The following OPN4 variants were observed in gnomAD, a reference collection of about 807,000 sequenced individuals.
OPN4 encodes the protein melanopsin.
In OPN4, 43 loss-of-function variants were observed where a neutral mutation model predicts 49.5. The ratio of observed to expected loss-of-function variants is 0.87; its 90% confidence interval spans 0.68 to 1.12. OPN4 has a LOEUF of 1.12. Among genes scored for constraint, OPN4 ranks in the 50% most tolerant of loss-of-function variants. The pLI, the probability that OPN4 is intolerant of heterozygous loss-of-function variation, is 0.00. For synonymous variants in OPN4, 263 were observed against 258.0 expected, an observed-to-expected ratio of 1.02 and a Z score of -0.19; for missense variants, 657 against 643.9, an observed-to-expected ratio of 1.02 and a Z score of -0.22.
At chr10:86,663,009 A>G (rs1844051735) in intron 8 of OPN4, among the ~76,000 whole-genome samples, 4 of 152,338 alleles carry the variant, frequency 2.6e-5, no homozygotes, top group African/African-American at 7.2e-5. Context: ...TCTCAGATCA[A>G]CGCTGTCCAG....
chr10:86,665,688 A>G, intron 9 of OPN4, 25 bp from the exon 10 acceptor site: 4 of 1,611,148 alleles, frequency 2.5e-6, no homozygotes, highest in Non-Finnish European at 3.4e-6. Context: ...CCTCAGCTAA[A>G]CAGATGTGTG....
At position 86,662,198 on chromosome 10, in the gene OPN4, C is replaced by T. The variant is rs1249184196; in HGVS notation, c.1074-54C>T. The T allele has an allele frequency of 2.6e-6, 4 of 1,511,950 alleles. No homozygotes were observed. In the African/African-American group the frequency reaches 4.1e-5, roughly 15 times the overall value. The allele number at this position is 1,511,950 out of a possible 1,614,324, so 93.7% of individuals were successfully genotyped here. The stretch of plus-strand genomic sequence containing the variant: ...TACCAGCCTGTGCACCCATCCCCTC[C>T]CCTGCATCTGTCTGCCCATCCCCTG... On this transcript the variant is annotated intron_variant, in intron 7 of 9. Transcript: ENST00000241891.
Position 86,659,970 on chromosome 10 carries a change from C to G in OPN4, c.876C>G (p.Cys292Trp), listed in dbSNP as rs1387593881. The change falls in exon 6 of 10, where the codon TGC (cysteine) becomes TGG (tryptophan). Residue 292 changes from cysteine to tryptophan, a missense_variant. Transcript: ENST00000241891. Reference sequence around the variant, plus strand: ...AGCGGCAGCGGCTGCAGAGCGAGTGCAAGATGGCCAAGATCATGCTGCTGG... The same window carrying G: ...AGCGGCAGCGGCTGCAGAGCGAGTGGAAGATGGCCAAGATCATGCTGCTGG... ...LWQRQRLQSE[C>W]KMAKIMLLVI... 6.2e-7 allele frequency: 1 copy of G among 1,614,230 alleles called. No individual in the cohort carries two copies. Among genetic ancestry groups the G allele is most frequent in the Admixed American group, 1.7e-5 (1 of 60,026 alleles).
In OPN4 at chr10:86,654,687, A is replaced by G; in HGVS notation, c.-97A>G. On this transcript the variant is annotated 5_prime_UTR_variant, in exon 1 of 10. It removes an upstream start codon present in the reference 5' UTR. Coordinates refer to ENST00000241891, the MANE Select transcript of OPN4 (RefSeq NM_033282.4). ...GGTAGGCTAAGCAGGGGTGCTGAGG[A>G]TGGAGGAAAGTTGGGAGGCTGAGCA... The G allele has an allele frequency of 2.6e-6, 4 of 1,509,862 alleles. No individual in the cohort carries two copies. Among genetic ancestry groups the G allele is most frequent in the Non-Finnish European group, 3.6e-6 (4 of 1,114,274 alleles). The allele number at this position is 1,509,862 out of a possible 1,614,324, so 93.5% of individuals were successfully genotyped here. A position where few individuals can be genotyped will look rare whatever the true frequency, so the allele number is the denominator to read the frequency against.
chr10:86,659,207 G>C, intron 4 of OPN4, 90 bp from the exon 5 acceptor site: 1 of 1,023,834 alleles, frequency 9.8e-7, no homozygotes, highest in East Asian at 2.4e-5. Context: ...GCTGTGTATG[G>C]GGACCCGAAT....
At position 86,665,893 on chromosome 10, in the gene OPN4, C is replaced by T. The variant is rs1844161827; in HGVS notation, c.*142C>T. 2.9e-6 allele frequency: 2 copies of T among 678,006 alleles called. No individual in the cohort carries two copies. Among genetic ancestry groups the T allele is most frequent in the South Asian group, 3.5e-5 (2 of 56,574 alleles). 42.0% of individuals were successfully genotyped at this position (678,006 alleles called of 1,614,324 possible). ...CCCGTGCTGCACGGGATTCACAGCC[C>T]CAGCCCCATGGCCCCTCTCCACACC... On this transcript the variant is annotated 3_prime_UTR_variant, in exon 10 of 10. Coordinates refer to ENST00000241891, the MANE Select transcript of OPN4 (RefSeq NM_033282.4).
chr10:86,665,041 A>T (rs113532554), intron 9 of OPN4, among the ~76,000 whole-genome samples: 24 of 152,150 alleles, frequency 1.6e-4, no homozygotes, highest in African/African-American at 5.8e-4. Flanking sequence ...AGGGGTGGGG[A>T]GTGGGGGGAG....
At chr10:86,661,935 C>T (rs112950956) in intron 7 of OPN4, among the ~76,000 whole-genome samples, 22 of 152,272 alleles carry the variant, frequency 1.4e-4, no homozygotes, top group African/African-American at 5.3e-4. Flanking sequence ...CCAGAGTGTC[C>T]CTGGTCTCCA....
intron 1 of OPN4, 55 bp downstream of exon 1, chr10:86,654,982 C>G (rs1234009175): frequency 6.5e-7 from 1 of 1,548,618 alleles, no homozygotes; most frequent in East Asian, 2.3e-5. Context: ...CCTTCCTGGT[C>G]CCCTCCTGGC....
At chr10:86,662,738 C>T (rs1372427698) in intron 8 of OPN4, among the ~76,000 whole-genome samples, 4 of 152,240 alleles carry the variant, frequency 2.6e-5, no homozygotes, top group Non-Finnish European at 5.9e-5. Flanking sequence ...TCCCTAGAGC[C>T]GCAGCCTGAA....
rs1179780424 is a variant in OPN4, at chr10:86,658,648, T to C, written c.589T>C (p.Tyr197His). 1 of 1,613,824 alleles carries C rather than the reference T, an allele frequency of 6.2e-7. No homozygotes were observed. The part of the protein sequence containing the change: ...AAFVLLGVWL[Y>H]ALAWSLPPFF... ...ATTTGTCCTGCTGGGCGTTTGGCTCTATGCCCTGGCCTGGAGTCTGCCACC... is the reference window on the plus strand; with the variant it reads ...ATTTGTCCTGCTGGGCGTTTGGCTCCATGCCCTGGCCTGGAGTCTGCCACC... The change falls in exon 4 of 10, where the codon TAT becomes CAT. Residue 197 changes from tyrosine (Y) to histidine (H), a missense_variant. By Grantham distance (83) the Tyr-to-His change is moderately conservative. Transcript: ENST00000241891.
chr10:86,664,587 G>A (rs982468792), intron 9 of OPN4, among the ~76,000 whole-genome samples: 9 of 152,134 alleles, frequency 5.9e-5, no homozygotes, highest in African/African-American at 1.9e-4. Flanking sequence ...AACACCCTCA[G>A]CTCAGCTCCT....
intron 9 of OPN4, among the ~76,000 whole-genome samples, chr10:86,664,402 T>C (rs1177883427): frequency 6.6e-6 from 1 of 152,196 alleles, no homozygotes; most frequent in Non-Finnish European, 1.5e-5. Flanking sequence ...CCCGGAATAC[T>C]TGTGGCTATT....
At chr10:86,654,979 G>T (rs1336680281) in intron 1 of OPN4, 52 bp downstream of exon 1, 2 of 1,568,340 alleles carry the variant, frequency 1.3e-6, no homozygotes, top group South Asian at 1.1e-5. Context: ...ACCCCTTCCT[G>T]GTCCCCTCCT....
rs746639821 is a variant in OPN4 at position 86,665,716 on chromosome 10, A to G, written c.1402A>G (p.Lys468Glu). The G allele has an allele frequency of 1.2e-6, 2 of 1,613,592 alleles. No individual in the cohort carries two copies. Among genetic ancestry groups the G allele is most frequent in the East Asian group, 2.2e-5 (1 of 44,868 alleles). ...GHEAETPGKT[K>E]GLIPSQDPRM is the part of the protein sequence containing the mutation. ...GATGTGTGCTGTTTGTTTGCAGACC[A>G]AGGGGCTGATCCCCAGCCAGGACCC... The change falls in exon 10 of 10, where the codon AAG (lysine) becomes GAG (glutamate). Residue 468 changes from lysine to glutamate, a missense_variant. By Grantham distance (56) the Lys-to-Glu change is moderately conservative. Coordinates refer to ENST00000241891, the MANE Select transcript of OPN4 (RefSeq NM_033282.4).
At position 86,654,602 on chromosome 10, in the gene OPN4, AC is replaced by A; in HGVS notation, c.-180del. On this transcript the variant is annotated 5_prime_UTR_variant, in exon 1 of 10. Transcript: ENST00000241891. ...TTTGCGCTTCACCAGACACAGAGCAACCGCCAGCCCCAAGAGCAGCTCCAGG... is the reference window on the plus strand; with the variant it reads ...TTTGCGCTTCACCAGACACAGAGCAACGCCAGCCCCAAGAGCAGCTCCAGG... The A allele has an allele frequency of 1.3e-6, 1 of 749,694 alleles. No individual in the cohort carries two copies. Among genetic ancestry groups the A allele is most frequent in the Non-Finnish European group, 2.1e-6 (1 of 475,374 alleles). The allele number at this position is 749,694 out of a possible 1,614,324, so 46.4% of individuals were successfully genotyped here. A position where few individuals can be genotyped will look rare whatever the true frequency, so the allele number is the denominator to read the frequency against.
At chr10:86,659,610 C>T in intron 5 of OPN4, 142 bp downstream of exon 5, 1 of 1,228,020 alleles carries the variant, frequency 8.1e-7, no homozygotes, top group East Asian at 2.5e-5. Context: ...GCTTATGGGG[C>T]AGCAGTGTCT....
In OPN4 at chr10:86,663,671, A is replaced by T. The variant is rs1434521843; in HGVS notation, c.1267A>T (p.Met423Leu). The change falls in exon 9 of 10, where the codon ATG (methionine) becomes TTG (leucine). Residue 423 changes from methionine to leucine, a missense_variant. Physicochemically the swap from Met to Leu is conservative, Grantham distance 15 (BLOSUM62 2). Transcript: ENST00000241891. ...GSESEVGWTH[M>L]EAAAVWGAAQ... ...TCACCTCCCTCAGGGCTGGACACACATGGAGGCAGCAGCTGTGTGGGGAGC... is the reference window on the plus strand; with the variant it reads ...TCACCTCCCTCAGGGCTGGACACACTTGGAGGCAGCAGCTGTGTGGGGAGC... The T allele has an allele frequency of 6.5e-7, 1 of 1,548,022 alleles. No individual in the cohort carries two copies. Among genetic ancestry groups the T allele is most frequent in the African/African-American group, 1.4e-5 (1 of 73,332 alleles).
chr10:86,664,363 A>C (rs1844093122), intron 9 of OPN4, among the ~76,000 whole-genome samples: 1 of 152,196 alleles, frequency 6.6e-6, no homozygotes, highest in African/African-American at 2.4e-5. Flanking sequence ...GGATGTGCTC[A>C]CCATAAATGC....
Sources: allele counts gnomAD v4.1 joint callset (sites outside exome capture counted in the v4.1 genomes callset), GRCh38; gene constraint gnomAD v4.1.1; transcripts MANE v1.5; gene names NCBI Gene and HGNC (gene_info 2026-07-23, HGNC 2026-07-21).